The following ITGA9 variants were observed in gnomAD, a reference collection of about 807,000 sequenced individuals.
The protein encoded by ITGA9 is integrin alpha-9.
In ITGA9, 56 loss-of-function variants were observed where a neutral mutation model predicts 127.8. The observed-to-expected ratio is 0.44, with a 90% CI of 0.35 to 0.55. ITGA9 has a LOEUF of 0.55. Ranked by LOEUF, ITGA9 falls within the 20% of genes least tolerant of loss-of-function variation. The probability of loss-of-function intolerance (pLI) is 0.00; values close to 1 mark genes in which losing one functional copy is unlikely to be tolerated. For synonymous variants in ITGA9, 508 were observed against 514.5 expected (o/e 0.99, Z 0.17); for missense variants, 1,196 against 1,347.1 (o/e 0.89, Z 1.76).
chr3:37,678,464 C>T (rs1700703866), intron 17 of ITGA9, among the ~76,000 whole-genome samples: 1 of 152,174 alleles, frequency 6.6e-6, no homozygotes, highest in Non-Finnish European at 1.5e-5. Context: ...GATGGACAGA[C>T]TTGGCTGCCC....
Position 37,803,881 on chromosome 3 carries a change from T to C in ITGA9, c.2948T>C (p.Ile983Thr). The C allele has an allele frequency of 6.2e-7, 1 of 1,614,194 alleles. No individual in the cohort carries two copies. The highest frequency in any genetic ancestry group is 8.5e-7 in the Non-Finnish European group (1 of 1,180,020). Residue 983 changes from isoleucine to threonine, a missense_variant, in exon 27 of 28, where the codon ATC becomes ACC. Transcript: ENST00000264741. Reference protein sequence around the residue: ...EPRGYVVGWIIAISLLVGILI... With the variant: ...EPRGYVVGWITAISLLVGILI... ...CGTGGCTACGTCGTGGGGTGGATCA[T>C]CGCCATCAGTTTGTTGGTGGGAATC...
At chr3:37,744,075 C>A in intron 22 of ITGA9, 41 bp downstream of exon 22, 2 of 1,295,814 alleles carry the variant, frequency 1.5e-6, no homozygotes, top group Non-Finnish European at 2.2e-6. Context: ...TGGGGGCTAA[C>A]GGAAGGGCAC....
rs1216200938 is a variant in ITGA9 at position 37,597,979 on chromosome 3, A to G, written c.1690-31208A>G. Among the ~76,000 whole-genome samples the G allele has an allele frequency of 6.6e-6, 1 of 152,234 alleles. No individual in the cohort carries two copies. Among genetic ancestry groups the G allele is most frequent in the Non-Finnish European group, 1.5e-5 (1 of 68,032 alleles). ...ACGAGAAGGCAGAATTGGGCCCTTG[A>G]TAAGATCATCCTAACACAGAGGCAG... On this transcript the variant is annotated intron_variant, in intron 15 of 27. Transcript: ENST00000264741. This position sits in a 1 kb window ranked among gnomAD's most constrained non-coding sequence, Gnocchi z 4.6.
chr3:37,782,374 T>C (rs538194310), intron 25 of ITGA9, among the ~76,000 whole-genome samples: 2 of 152,362 alleles, frequency 1.3e-5, no homozygotes, highest in South Asian at 2.1e-4. Flanking sequence ...TCTGCTTTTC[T>C]ATCCCGGCAG....
chr3:37,497,331 T>G (rs77910112), intron 5 of ITGA9, among the ~76,000 whole-genome samples: 6 of 27,492 alleles, frequency 2.2e-4, no homozygotes, highest in Admixed American at 2.1e-3. Context: ...CTATCAGTCT[T>G]TTTTTTTTTT....
At chr3:37,516,705 G>T (rs1698987120) in intron 9 of ITGA9, among the ~76,000 whole-genome samples, 1 of 152,130 alleles carries the variant, frequency 6.6e-6, no homozygotes, top group African/African-American at 2.4e-5. Flanking sequence ...TCGTGGGATG[G>T]CCTGTAGGAT....
intron 15 of ITGA9, among the ~76,000 whole-genome samples, chr3:37,548,790 C>A (rs1048941264): frequency 8.5e-5 from 13 of 152,182 alleles, no homozygotes; most frequent in Non-Finnish European, 4.4e-5. Flanking sequence ...ACAAGCCTCT[C>A]AGCTATAGGG....
intron 1 of ITGA9, among the ~76,000 whole-genome samples, chr3:37,458,958 A>G (rs539467279): frequency 6.6e-6 from 1 of 152,336 alleles, no homozygotes; most frequent in African/African-American, 2.4e-5. Context: ...TTGGCGATCA[A>G]CCAAAGCAGA....
At position 37,784,592 on chromosome 3, in the gene ITGA9, G is replaced by C. The variant is rs1370485092; in HGVS notation, c.2788-385G>C. Reference sequence around the variant, plus strand: ...GAAGATGCCTATAAAATGTAGATCAGATGCCTTCTGTGGAATGCCAGGCCT... The same window carrying C: ...GAAGATGCCTATAAAATGTAGATCACATGCCTTCTGTGGAATGCCAGGCCT... On this transcript the variant is annotated intron_variant, in intron 25 of 27. Coordinates refer to ENST00000264741, the MANE Select transcript of ITGA9 (RefSeq NM_002207.3). 2.0e-5 allele frequency among the ~76,000 whole-genome samples: 3 copies of C among 152,188 alleles called. No individual in the cohort carries two copies. The East Asian group carries it at 5.8e-4, about 29-fold the overall frequency.
At chr3:37,587,944 T>C (rs548198892) in intron 15 of ITGA9, among the ~76,000 whole-genome samples, 9 of 152,308 alleles carry the variant, frequency 5.9e-5, no homozygotes, top group South Asian at 2.1e-4. Flanking sequence ...TGGCATGCAG[T>C]GGCAGAATTG....
chr3:37,561,060 G>A (rs1022163684), intron 15 of ITGA9, among the ~76,000 whole-genome samples: 2 of 152,118 alleles, frequency 1.3e-5, no homozygotes, highest in Admixed American at 6.6e-5. Flanking sequence ...TGAGGGCCTC[G>A]TTTTAATTTA....
intron 16 of ITGA9, among the ~76,000 whole-genome samples, chr3:37,631,154 G>A (rs775909002): frequency 3.3e-5 from 5 of 152,148 alleles, no homozygotes; most frequent in African/African-American, 1.2e-4. Context: ...CTTGGGTTAC[G>A]GAAGTTACCC....
intron 14 of ITGA9, among the ~76,000 whole-genome samples, chr3:37,537,005 G>GTTTTTA (rs1222542729): frequency 6.6e-6 from 1 of 152,190 alleles, no homozygotes; most frequent in Admixed American, 6.5e-5. Context: ...AAACTCTGAA[G>GTTTTTA]GTGGGACCCA....
intron 9 of ITGA9, among the ~76,000 whole-genome samples, chr3:37,516,498 C>T (rs1200673856): frequency 6.6e-6 from 1 of 152,072 alleles, no homozygotes; most frequent in African/African-American, 2.4e-5. Flanking sequence ...CTGTACAGTA[C>T]CTGGTACATA....
intron 4 of ITGA9, among the ~76,000 whole-genome samples, chr3:37,490,104 G>A (rs564769837): frequency 1.3e-5 from 2 of 152,246 alleles, no homozygotes; most frequent in African/African-American, 4.8e-5. Flanking sequence ...TACAGAACAG[G>A]TGACTCAGGA....
chr3:37,559,953 C>CT (rs915551088), intron 15 of ITGA9, among the ~76,000 whole-genome samples: 4 of 152,012 alleles, frequency 2.6e-5, no homozygotes, highest in East Asian at 1.9e-4. Flanking sequence ...TGTAAATTTC[C>CT]TTTTTTTTAA....
At chr3:37,485,251 C>A (rs531310597) in intron 4 of ITGA9, among the ~76,000 whole-genome samples, 3 of 152,228 alleles carry the variant, frequency 2.0e-5, no homozygotes, top group East Asian at 3.9e-4. Context: ...TTAAAGTCTG[C>A]AGGCTGTTGA....
intron 15 of ITGA9, among the ~76,000 whole-genome samples, chr3:37,618,217 C>T: frequency 6.6e-6 from 1 of 152,166 alleles, no homozygotes; most frequent in Non-Finnish European, 1.5e-5. Context: ...TGGAGTTTGC[C>T]AGAGGTCCAC....
At chr3:37,482,743 A>T (rs542646714) in intron 4 of ITGA9, among the ~76,000 whole-genome samples, 2 of 152,206 alleles carry the variant, frequency 1.3e-5, no homozygotes, top group East Asian at 3.9e-4. Context: ...AGCCAGCAAG[A>T]TCTCTGCAGG....
Sources: gnomAD v4.1 joint callset for allele counts (sites outside exome capture counted in the v4.1 genomes callset) on GRCh38, gnomAD v4.1.1 for gene constraint, Gnocchi (gnomAD v3.1) non-coding constraint, MANE v1.5 for transcripts, NCBI Gene and HGNC (gene_info 2026-07-23, HGNC 2026-07-21) for gene names.